Variants in EOGT observed in about 807,000 individuals in gnomAD.
The protein encoded by EOGT is EGF domain specific O-linked N-acetylglucosamine transferase.
EOGT carries 55 observed loss-of-function variants against 70.5 expected under a neutral mutation model. That is an observed-to-expected ratio of 0.78 (90% CI 0.63 to 0.98). The LOEUF (loss-of-function observed/expected upper bound fraction) is 0.98. Among genes scored for constraint, EOGT ranks in the 50% least tolerant of loss-of-function variants. The probability of loss-of-function intolerance (pLI) is 0.00; values close to 1 mark genes in which losing one functional copy is unlikely to be tolerated. For synonymous variants in EOGT, 246 were observed against 217.1 expected (o/e 1.13, Z -1.17); for missense variants, 703 against 641.9 (o/e 1.10, Z -1.03).
chr3:69,009,240 A>G (rs1423866700), intron 4 of EOGT, among the ~76,000 whole-genome samples: 1 of 152,220 alleles, frequency 6.6e-6, no homozygotes, highest in Admixed American at 6.5e-5. Flanking sequence ...AGGCTTAATT[A>G]TGTGGAGACA....
chr3:68,981,639 G>A (rs2090643509), intron 15 of EOGT, among the ~76,000 whole-genome samples: 1 of 152,056 alleles, frequency 6.6e-6, no homozygotes, highest in African/African-American at 2.4e-5. Context: ...TGAATAATAG[G>A]CATATTCTGT....
rs187202426 is a variant in EOGT, at chr3:69,005,045, G to A, written c.515+95C>T. The A allele has an allele frequency of 1.1e-3, 771 of 706,324 alleles. 1 individual carries two copies. The highest frequency in any genetic ancestry group is 2.6e-3 in the Admixed American group (92 of 35,864). 43.8% of individuals were successfully genotyped at this position (706,324 alleles called of 1,614,324 possible). On this transcript the variant is annotated intron_variant, in intron 7 of 17. Coordinates refer to ENST00000383701, the MANE Select transcript of EOGT (RefSeq NM_001278689.2). ...CCGCTGCACTCCAGCCTGGGCAACA[G>A]AGCAAGACCCTGTCTCAAAAAAAAA...
chr3:69,005,919 C>CAA (rs2091427979), intron 6 of EOGT, among the ~76,000 whole-genome samples: 1 of 152,208 alleles, frequency 6.6e-6, no homozygotes, highest in African/African-American at 2.4e-5. Context: ...CACAAAGTCT[C>CAA]AATCTTGACC....
intron 16 of EOGT, among the ~76,000 whole-genome samples, chr3:68,978,637 A>G (rs1300495596): frequency 6.6e-6 from 1 of 152,206 alleles, no homozygotes; most frequent in Non-Finnish European, 1.5e-5. Flanking sequence ...TAAAAAACAA[A>G]ATAGGGTCAT....
intron 10 of EOGT, among the ~76,000 whole-genome samples, chr3:68,990,278 T>G (rs2090953167): frequency 3.3e-5 from 5 of 152,044 alleles, no homozygotes; most frequent in Admixed American, 3.3e-4. Flanking sequence ...CAACCCAGCC[T>G]GTGCTGCCAC....
chr3:68,986,381 T>C (rs2090808351), intron 14 of EOGT, among the ~76,000 whole-genome samples: 1 of 152,072 alleles, frequency 6.6e-6, no homozygotes. Context: ...CGCCCTGCTT[T>C]AAAACTTCAC....
intron 10 of EOGT, among the ~76,000 whole-genome samples, chr3:68,991,236 C>G (rs533463592): frequency 4.6e-5 from 7 of 152,290 alleles, no homozygotes; most frequent in Admixed American, 1.3e-4. Context: ...GCACTTCTTC[C>G]TATACTCATG....
At chr3:69,011,611 CAAAG>C (rs1171605049) in intron 3 of EOGT, among the ~76,000 whole-genome samples, 48 of 109,438 alleles carry the variant, frequency 4.4e-4, no homozygotes, top group African/African-American at 1.5e-3. Flanking sequence ...AAAAAAAAAA[CAAAG>C]AAAGAAAGAA....
chr3:69,013,016 T>G (rs936955037), intron 1 of EOGT, among the ~76,000 whole-genome samples: 1 of 151,734 alleles, frequency 6.6e-6, no homozygotes, highest in East Asian at 1.9e-4. Context: ...TCTCGGCGGG[T>G]GCCAGGCAGG....
intron 10 of EOGT, 24 bp downstream of exon 10, chr3:68,997,987 A>G: frequency 7.7e-7 from 1 of 1,304,348 alleles, no homozygotes; most frequent in Non-Finnish European, 1.1e-6. Flanking sequence ...ACAGTACTGA[A>G]GCGGAGAGCA....
chr3:68,991,830 A>G (rs944768690), intron 10 of EOGT, among the ~76,000 whole-genome samples: 2 of 152,156 alleles, frequency 1.3e-5, no homozygotes, highest in African/African-American at 4.8e-5. Flanking sequence ...ACAGTTCCAC[A>G]TGGCTGGGGA....
intron 9 of EOGT, among the ~76,000 whole-genome samples, chr3:68,999,567 A>G (rs1173840568): frequency 6.6e-6 from 1 of 152,246 alleles, no homozygotes; most frequent in Admixed American, 6.5e-5. Flanking sequence ...CAGAAATAAC[A>G]GTATAAAAAT....
chr3:69,008,179 A>T (rs1034829611), intron 5 of EOGT, among the ~76,000 whole-genome samples: 4 of 152,212 alleles, frequency 2.6e-5, no homozygotes, highest in African/African-American at 9.6e-5. Flanking sequence ...CCATCCATTT[A>T]TCTTCTTACT....
rs540729435 is a variant in EOGT, at chr3:69,012,650, C to T, written c.-206G>A. The T allele has an allele frequency of 6.5e-6, 1 of 152,790 alleles. No homozygotes were observed. Among genetic ancestry groups the T allele is most frequent in the African/African-American group, 2.4e-5 (1 of 41,554 alleles). The allele number at this position is 152,790 out of a possible 1,614,324, so 9.5% of individuals were successfully genotyped here. Reference sequence around the variant, plus strand: ...GCTGCTGGGCCTGGCACAAAGCCTTCCTGGTGTCGGTCGTCCTGCAAGGCC... The same window carrying T: ...GCTGCTGGGCCTGGCACAAAGCCTTTCTGGTGTCGGTCGTCCTGCAAGGCC... On this transcript the variant is annotated 5_prime_UTR_variant, in exon 2 of 18. Transcript: ENST00000383701.
chr3:68,987,485 G>A lies in EOGT; in HGVS notation c.1112C>T (p.Ala371Val), dbSNP rs774552774. ...GATTTTCCGGTATTCTGTGCTCCGT[G>A]CAAGAATGGTGACTCGAATTTTTCC... is the stretch of plus-strand genomic sequence containing the variant. ...KDGKIRVTIL[A>V]RSTEYRKILN... Residue 371 changes from alanine to valine, a missense_variant, in exon 14 of 18, where the codon GCA becomes GTA. Physicochemically the swap from Ala to Val is moderately conservative, Grantham distance 64. Transcript: ENST00000383701. 2 of 1,613,796 alleles carry A rather than the reference G, an allele frequency of 1.2e-6. No homozygotes were observed.
chr3:68,982,950 C>T lies in EOGT; in HGVS notation c.1153-78G>A, dbSNP rs749310928. ...TTTTCCCTTATGAGTCCTAAAATTT[C>T]TTTTTTTGCATATACTATTTCAGAT... On this transcript the variant is annotated intron_variant, in intron 14 of 17. Coordinates refer to ENST00000383701, the MANE Select transcript of EOGT (RefSeq NM_001278689.2). 487 of 1,020,994 alleles carry T rather than the reference C, an allele frequency of 4.8e-4. 2 individuals carry two copies. Among genetic ancestry groups the T allele is most frequent in the Non-Finnish European group, 6.2e-4 (442 of 707,356 alleles). The allele number at this position is 1,020,994 out of a possible 1,614,324, so 63.2% of individuals were successfully genotyped here. A position where few individuals can be genotyped will look rare whatever the true frequency, so the allele number is the denominator to read the frequency against.
chr3:68,991,001 CAAT>C (rs1455821001), intron 10 of EOGT, among the ~76,000 whole-genome samples: 1 of 151,464 alleles, frequency 6.6e-6, no homozygotes, highest in African/African-American at 2.4e-5. Context: ...TGTTCTGGCT[CAAT>C]AATAAATAAA....
At chr3:69,004,338 G>T in intron 8 of EOGT, 40 bp downstream of exon 8, 2 of 1,458,524 alleles carry the variant, frequency 1.4e-6, no homozygotes, top group Admixed American at 1.7e-5. Flanking sequence ...CGTAAATAAA[G>T]GCAAATATTT....
rs192445943 is a variant in EOGT, at chr3:68,996,041, G to T, written c.831+1970C>A. ...ACCCTGAGTTAATAATTTAGGGCTT[G>T]TAATGGCTGGTGAGTGTGGCCTGAC... On this transcript the variant is annotated intron_variant, in intron 10 of 17. Transcript: ENST00000383701. 3.6e-3 allele frequency among the ~76,000 whole-genome samples: 547 copies of T among 152,334 alleles called. 1 individual carries two copies. Among genetic ancestry groups the T allele is most frequent in the Middle Eastern group, 6.8e-3 (2 of 294 alleles).
Sources: gnomAD v4.1 joint callset for allele counts (sites outside exome capture counted in the v4.1 genomes callset) on GRCh38, gnomAD v4.1.1 for gene constraint, MANE v1.5 for transcripts, NCBI Gene and HGNC (gene_info 2026-07-23, HGNC 2026-07-21) for gene names.